The following FSD1 variants were observed in gnomAD, a reference collection of about 807,000 sequenced individuals.
The protein encoded by FSD1 is fibronectin type III and SPRY domain containing 1, also known as fibronectin type III and SPRY domain-containing protein 1.
A neutral mutation model predicts 58.2 loss-of-function variants in FSD1; 23 were observed. The observed-to-expected ratio is 0.40, with a 90% CI of 0.28 to 0.56. The LOEUF is 0.56. FSD1 is among the 20% of genes least tolerant of loss of function. The pLI, the probability that FSD1 is intolerant of heterozygous loss-of-function variation, is 0.54. For synonymous variants in FSD1, 265 were observed against 263.4 expected, an observed-to-expected ratio of 1.01 and a Z score of -0.06; for missense variants, 563 against 670.8, an observed-to-expected ratio of 0.84 and a Z score of 1.78.
In FSD1 at chr19:4,305,859, CGTGTGTACATGTGCGTACACGT is replaced by C. The variant is rs2144753432; in HGVS notation, c.16-78_16-57del. On this transcript the variant is annotated intron_variant, in intron 1 of 12. Coordinates refer to ENST00000221856, the MANE Select transcript of FSD1 (RefSeq NM_024333.3). ...ATGTACGTGTGTGCATGTGTGTGCA[CGTGTGTACATGTGCGTACACGT>C]GTGTGTACCTGTGTGCGCACATGTG... is the stretch of plus-strand genomic sequence containing the variant. The C allele has an allele frequency of 5.3e-6, 5 of 943,656 alleles. No individual in the cohort carries two copies. In the East Asian group the frequency reaches 1.2e-4, roughly 23 times the overall value. The allele number at this position is 943,656 out of a possible 1,614,324, so 58.5% of individuals were successfully genotyped here.
At chr19:4,306,117 C>T in intron 2 of FSD1, 76 bp downstream of exon 2, 1 of 1,606,566 alleles carries the variant, frequency 6.2e-7, no homozygotes. Flanking sequence ...GGAACTGGCC[C>T]ATTGCTGTTG....
At chr19:4,311,456 T>A in intron 6 of FSD1, 1 of 187,796 alleles carries the variant, frequency 5.3e-6, no homozygotes, top group South Asian at 9.9e-5. Context: ...CCGAGGCGGG[T>A]GGATCACTTG....
At chr19:4,322,682 G>GA (rs1971711737) in intron 10 of FSD1, among the ~76,000 whole-genome samples, 1 of 151,032 alleles carries the variant, frequency 6.6e-6, no homozygotes, top group Admixed American at 6.6e-5. Context: ...GGAGTATCTG[G>GA]GGGGAATAGC....
rs753156159 is a variant in FSD1, at chr19:4,318,840, TC to T, written c.960-30del. 1.1e-5 allele frequency: 17 copies of T among 1,575,434 alleles called. No homozygotes were observed. In the African/African-American group the frequency reaches 2.2e-4, roughly 20 times the overall value. ...GGAGAGAGAAGTGTTGAACTGAGCC[TC>T]CTGAGCCTGCCCACTCCCTGCCCAC... is the stretch of plus-strand genomic sequence containing the variant. On this transcript the variant is annotated intron_variant, in intron 9 of 12. Transcript: ENST00000221856.
intron 7 of FSD1, 81 bp from the exon 8 acceptor site, chr19:4,317,101 G>T (rs1971763298): frequency 1.2e-6 from 1 of 829,570 alleles, no homozygotes; most frequent in Admixed American, 1.7e-5. Context: ...GGGAATCACT[G>T]TGGGACATGA....
chr19:4,309,407 A>G (rs1376718072), intron 4 of FSD1, among the ~76,000 whole-genome samples: 4 of 152,298 alleles, frequency 2.6e-5, no homozygotes, highest in Non-Finnish European at 2.9e-5. Flanking sequence ...TGAAATGCCA[A>G]TTTAACTGGG....
chr19:4,305,158 C>T (rs541478037), intron 1 of FSD1, among the ~76,000 whole-genome samples: 3 of 144,870 alleles, frequency 2.1e-5, no homozygotes, highest in East Asian at 4.2e-4. Context: ...CAGGTTGGAG[C>T]CTGGGTCAGA....
chr19:4,306,317 C>G lies in FSD1; in HGVS notation c.231C>G (p.Thr77=), dbSNP rs776607816. 6.2e-7 allele frequency: 1 copy of G among 1,613,872 alleles called. No individual in the cohort carries two copies. Among genetic ancestry groups the G allele is most frequent in the Non-Finnish European group, 8.5e-7 (1 of 1,180,004 alleles). ...MKIKQDRASR[T]YELQNQLAAC... ...TAAAACAGGACCGTGCCAGCCGTAC[C>G]TACGAGCTGCAGGTGAGGGCTGAGG... The change falls in exon 3 of 13, where the codon ACC becomes ACG. Residue 77 remains threonine (T), a synonymous_variant. Transcript: ENST00000221856.
chr19:4,304,844 C>G, intron 1 of FSD1, 83 bp downstream of exon 1: 21 of 445,190 alleles, frequency 4.7e-5, no homozygotes, highest in East Asian at 9.9e-5. Flanking sequence ...CGCCCCCACT[C>G]CCTCCCCGCC....
At chr19:4,322,227 G>A (rs1177817058) in intron 10 of FSD1, among the ~76,000 whole-genome samples, 3 of 148,724 alleles carry the variant, frequency 2.0e-5, no homozygotes, top group African/African-American at 7.5e-5. Context: ...GAATTAGCTG[G>A]GGCCCAAGGA....
intron 7 of FSD1, among the ~76,000 whole-genome samples, chr19:4,312,610 T>C (rs919159258): frequency 1.3e-5 from 2 of 151,754 alleles, no homozygotes; most frequent in Admixed American, 6.6e-5. Context: ...GAGACCATCC[T>C]GGCTAACACG....
chr19:4,320,612 A>G (rs1971802907), intron 10 of FSD1, among the ~76,000 whole-genome samples: 1 of 151,972 alleles, frequency 6.6e-6, no homozygotes, highest in Non-Finnish European at 1.5e-5. Flanking sequence ...AAATTTCTGG[A>G]GGAAGTTGAT....
At chr19:4,315,395 G>A (rs1380121007) in intron 7 of FSD1, among the ~76,000 whole-genome samples, 15 of 136,266 alleles carry the variant, frequency 1.1e-4, no homozygotes, top group East Asian at 2.2e-4. Context: ...TGCAAGCTCC[G>A]CCTCCCGGGT....
At position 4,311,911 on chromosome 19, in the gene FSD1, G is replaced by A. The variant is rs545061368; in HGVS notation, c.560G>A (p.Arg187His). The change falls in exon 7 of 13, where the codon CGC (arginine) becomes CAC (histidine). Residue 187 changes from arginine to histidine, a missense_variant. Arg to His is a conservative substitution (Grantham distance 29). Transcript: ENST00000221856. ...GATAACTGTGTGACCCTGGTGTGGC[G>A]CATGCCGGATGAGGACAGCAAGATT... Reference protein sequence around the residue: ...VADNCVTLVWRMPDEDSKIDH... With the variant: ...VADNCVTLVWHMPDEDSKIDH... 7.4e-6 allele frequency: 12 copies of A among 1,614,134 alleles called. No individual in the cohort carries two copies. The highest frequency in any genetic ancestry group is 2.2e-5 in the South Asian group (2 of 91,086).
Position 4,304,731 on chromosome 19 carries a change from G to C in FSD1, c.-16G>C. 9.1e-7 allele frequency: 1 copy of C among 1,099,770 alleles called. No homozygotes were observed. Among genetic ancestry groups the C allele is most frequent in the Non-Finnish European group, 1.1e-6 (1 of 901,986 alleles). 68.1% of individuals were successfully genotyped at this position (1,099,770 alleles called of 1,614,324 possible). ...CGGGGCCCGCGGGCCGGGCCGGGGT[G>C]ACCTGGGCTGCAGCCATGGAAGAAC... On this transcript the variant is annotated 5_prime_UTR_variant, in exon 1 of 13. Coordinates refer to ENST00000221856, the MANE Select transcript of FSD1 (RefSeq NM_024333.3).
chr19:4,323,062 C>G lies in FSD1; in HGVS notation c.1116C>G (p.Gly372=). ...CGGACAGCAAGGCGTTCGGCGTGGG[C>G]GTGGCCTACCGCAGCCTGGGCCGCT... ...YEPDSKAFGV[G]VAYRSLGRFE... The change falls in exon 11 of 13, where the codon GGC becomes GGG. Residue 372 remains glycine (G), a synonymous_variant. Transcript: ENST00000221856. The surrounding 1 kb of genome is among the most constrained non-coding windows in gnomAD (Gnocchi z 7.7). 6.2e-7 allele frequency: 1 copy of G among 1,611,416 alleles called. No homozygotes were observed.
At position 4,315,535 on chromosome 19, in the gene FSD1, C is replaced by T. The variant is rs62129300; in HGVS notation, c.701-1647C>T. Among the ~76,000 whole-genome samples, 743 of 151,006 alleles carry T rather than the reference C, an allele frequency of 4.9e-3. 5 individuals carry two copies. The highest frequency in any genetic ancestry group is 0.016 in the South Asian group (75 of 4,768). On this transcript the variant is annotated intron_variant, in intron 7 of 12. Coordinates refer to ENST00000221856, the MANE Select transcript of FSD1 (RefSeq NM_024333.3). ...GTGTTAGCCAGGATGGTCTTGATCTCCTGACCTTGTGATCCGCCTCCGTCG... is the reference window on the plus strand; with the variant it reads ...GTGTTAGCCAGGATGGTCTTGATCTTCTGACCTTGTGATCCGCCTCCGTCG...
intron 1 of FSD1, 114 bp from the exon 2 acceptor site, chr19:4,305,832 T>A: frequency 1.3e-6 from 1 of 769,230 alleles, no homozygotes; most frequent in Non-Finnish European, 2.3e-6. Context: ...GCGTGTGCAT[T>A]TATGTACGTG....
In FSD1 at chr19:4,318,351, A is replaced by G. The variant is rs745470689; in HGVS notation, c.805A>G (p.Met269Val). ...CCACGTCTGCCCGGCCCCAGCGTTC[A>G]TGTTCCGCCTGGATGCGTCCACATC... is the stretch of plus-strand genomic sequence containing the variant. Reference protein sequence around the residue: ...EPVTLETPAFMFRLDASTSHQ... With the variant: ...EPVTLETPAFVFRLDASTSHQ... Residue 269 changes from methionine to valine, a missense_variant, in exon 9 of 13, where the codon ATG (methionine) becomes GTG (valine). Transcript: ENST00000221856. 2.5e-6 allele frequency: 4 copies of G among 1,613,468 alleles called. No homozygotes were observed. Among genetic ancestry groups the G allele is most frequent in the Non-Finnish European group, 3.4e-6 (4 of 1,179,944 alleles).
Sources: gnomAD v4.1 joint callset for allele counts (sites outside exome capture counted in the v4.1 genomes callset) on GRCh38, gnomAD v4.1.1 for gene constraint, Gnocchi (gnomAD v3.1) non-coding constraint, MANE v1.5 for transcripts, NCBI Gene and HGNC (gene_info 2026-07-23, HGNC 2026-07-21) for gene names.